Variants in LAPTM5 observed in about 807,000 individuals in gnomAD.
The protein encoded by LAPTM5 is lysosomal protein transmembrane 5.
Under a neutral mutation model 30.1 loss-of-function variants are expected in LAPTM5, and 11 were observed. The ratio of observed to expected loss-of-function variants is 0.37; its 90% confidence interval spans 0.23 to 0.60. The LOEUF is 0.60. Ranked by LOEUF, LAPTM5 falls within the 20% of genes least tolerant of loss-of-function variation. The pLI, the probability that LAPTM5 is intolerant of heterozygous loss-of-function variation, is 0.71. For synonymous variants in LAPTM5, 151 were observed against 137.9 expected, an observed-to-expected ratio of 1.10 and a Z score of -0.67; for missense variants, 324 against 332.5, an observed-to-expected ratio of 0.97 and a Z score of 0.20.
intron 3 of LAPTM5, among the ~76,000 whole-genome samples, chr1:30,740,635 C>A (rs1389300606): frequency 6.6e-6 from 1 of 152,122 alleles, no homozygotes; most frequent in Non-Finnish European, 1.5e-5. Context: ...CGTCTAAAAT[C>A]ACTCAGGAGG....
At chr1:30,749,093 T>C (rs549764195) in intron 1 of LAPTM5, among the ~76,000 whole-genome samples, 154 of 152,312 alleles carry the variant, frequency 1.0e-3, no homozygotes, top group African/African-American at 3.7e-3. Flanking sequence ...CTGGAATCAA[T>C]CCAAATGTTA....
At chr1:30,741,887 A>G (rs1202031098) in intron 2 of LAPTM5, 171 bp from the exon 3 acceptor site, 3 of 510,730 alleles carry the variant, frequency 5.9e-6, no homozygotes, top group Non-Finnish European at 1.1e-5. Flanking sequence ...AGACAAAAGC[A>G]GAACATCACA....
intron 1 of LAPTM5, among the ~76,000 whole-genome samples, chr1:30,752,286 T>G (rs1421455011): frequency 6.6e-6 from 1 of 152,216 alleles, no homozygotes; most frequent in Non-Finnish European, 1.5e-5. Flanking sequence ...TGGACCTGTT[T>G]TCCCATCTGC....
At chr1:30,750,168 A>G (rs1388583783) in intron 1 of LAPTM5, among the ~76,000 whole-genome samples, 6 of 152,138 alleles carry the variant, frequency 3.9e-5, no homozygotes, top group African/African-American at 1.4e-4. Flanking sequence ...TCCCTTTAGG[A>G]GCAGCCAGTG....
At chr1:30,750,455 G>A (rs1021909032) in intron 1 of LAPTM5, among the ~76,000 whole-genome samples, 2 of 152,216 alleles carry the variant, frequency 1.3e-5, no homozygotes, top group African/African-American at 4.8e-5. Flanking sequence ...TCCACGATGT[G>A]GAACCTGCGG....
chr1:30,738,066 C>T (rs1382144139), intron 5 of LAPTM5, among the ~76,000 whole-genome samples: 1 of 152,302 alleles, frequency 6.6e-6, no homozygotes, highest in South Asian at 2.1e-4. Context: ...AGGTTACATT[C>T]CCTCCCCTAG....
chr1:30,755,931 G>A (rs3790502), intron 1 of LAPTM5, among the ~76,000 whole-genome samples: 7 of 152,270 alleles, frequency 4.6e-5, no homozygotes, highest in Middle Eastern at 3.4e-3. Context: ...AAGGGCTCCC[G>A]GGGTCACCGC....
chr1:30,739,933 C>A lies in LAPTM5; in HGVS notation c.263G>T (p.Arg88Leu), dbSNP rs547749928. 3.1e-6 allele frequency: 5 copies of A among 1,593,776 alleles called. No individual in the cohort carries two copies. Among genetic ancestry groups the A allele is most frequent in the South Asian group, 2.3e-5 (2 of 88,330 alleles). Residue 88 changes from arginine to leucine, a missense_variant, in exon 4 of 8, where the codon CGG (arginine) becomes CTG (leucine). Arg to Leu is a moderately radical substitution (Grantham distance 102, BLOSUM62 -2). Coordinates refer to ENST00000294507, the MANE Select transcript of LAPTM5 (RefSeq NM_006762.3). The surrounding 1 kb of genome is among the most constrained non-coding windows in gnomAD (Gnocchi z 4.2). ...CAGGAAGGGCAGCAGGTACTTCTCC[C>A]GGTTCTGAAAGGTAGGCCCAGCACC... ...LSLLIGVVKN[R>L]EKYLLPFLSL...
At position 30,746,882 on chromosome 1, in the gene LAPTM5, C is replaced by A. The variant is rs1323890921; in HGVS notation, c.88-4333G>T. ...CGCGGAGCCGGGCACACAGCAGGTG[C>A]ACCATAAACAAGCACAATTGGGTGG... On this transcript the variant is annotated intron_variant, in intron 1 of 7. Transcript: ENST00000294507. This position sits in a 1 kb window ranked among gnomAD's most constrained non-coding sequence, Gnocchi z 4.0. 6.6e-6 allele frequency among the ~76,000 whole-genome samples: 1 copy of A among 152,222 alleles called. No homozygotes were observed. Among genetic ancestry groups the A allele is most frequent in the African/African-American group, 2.4e-5 (1 of 41,464 alleles).
Position 30,733,363 on chromosome 1 carries a change from C to G in LAPTM5, c.*465G>C, listed in dbSNP as rs1249930522. 4 of 353,424 alleles carry G rather than the reference C, an allele frequency of 1.1e-5. No homozygotes were observed. The highest frequency in any genetic ancestry group is 2.0e-5 in the Non-Finnish European group (4 of 201,334). 21.9% of individuals were successfully genotyped at this position (353,424 alleles called of 1,614,324 possible). On this transcript the variant is annotated 3_prime_UTR_variant, in exon 8 of 8. Coordinates refer to ENST00000294507, the MANE Select transcript of LAPTM5 (RefSeq NM_006762.3). Reference sequence around the variant, plus strand: ...ACATATATTTATATATAGGGGGTAACTAATTAATGATTACTTGATTAAATT... The same window carrying G: ...ACATATATTTATATATAGGGGGTAAGTAATTAATGATTACTTGATTAAATT...
chr1:30,741,527 T>G (rs2124183610), intron 3 of LAPTM5, 113 bp downstream of exon 3: 1 of 594,288 alleles, frequency 1.7e-6, no homozygotes, highest in Non-Finnish European at 2.8e-6. Context: ...AGAACGCAGG[T>G]GGGACCGCCT....
In LAPTM5 at chr1:30,742,500, C is replaced by T; in HGVS notation, c.137G>A (p.Gly46Asp). The part of the protein sequence containing the change: ...FIEHSVEVAH[G>D]KASCKLSQMG... Reference sequence around the variant, plus strand: ...CTGGGAGAGCTTGCAGGACGCCTTGCCATGGGCCACCTCTACTGAGTGCTC... The same window carrying T: ...CTGGGAGAGCTTGCAGGACGCCTTGTCATGGGCCACCTCTACTGAGTGCTC... The change falls in exon 2 of 8, where the codon GGC becomes GAC. Residue 46 changes from glycine to aspartate, a missense_variant. Physicochemically the swap from Gly to Asp is moderately conservative, Grantham distance 94. Transcript: ENST00000294507. The T allele has an allele frequency of 6.2e-7, 1 of 1,613,820 alleles. No homozygotes were observed. Among genetic ancestry groups the T allele is most frequent in the Non-Finnish European group, 8.5e-7 (1 of 1,179,926 alleles).
At chr1:30,737,582 C>G (rs540518918) in intron 6 of LAPTM5, 22 bp downstream of exon 6, 2 of 1,574,280 alleles carry the variant, frequency 1.3e-6, no homozygotes, top group Non-Finnish European at 1.7e-6. Flanking sequence ...CTCCCAGAGC[C>G]GCAGGGCAGG....
At position 30,742,082 on chromosome 1, in the gene LAPTM5, C is replaced by T. The variant is rs534051692; in HGVS notation, c.182-366G>A. The T allele has an allele frequency of 4.1e-5, 15 of 363,542 alleles. No homozygotes were observed. In the East Asian group the frequency reaches 6.3e-4, roughly 15 times the overall value. The allele number at this position is 363,542 out of a possible 1,614,324, so 22.5% of individuals were successfully genotyped here. A position where few individuals can be genotyped will look rare whatever the true frequency, so the allele number is the denominator to read the frequency against. Reference sequence around the variant, plus strand: ...TGGAGCAAGGTGTGGGGTGGAGAATCGCAGGGAGATGCTGTCAGAGAGGTG... The same window carrying T: ...TGGAGCAAGGTGTGGGGTGGAGAATTGCAGGGAGATGCTGTCAGAGAGGTG... On this transcript the variant is annotated intron_variant, in intron 2 of 7. Transcript: ENST00000294507.
In LAPTM5 at chr1:30,741,526, G is replaced by A. The variant is rs1051807714; in HGVS notation, c.258+114C>T. 1.0e-5 allele frequency: 6 copies of A among 591,432 alleles called. No homozygotes were observed. In the Admixed American group the frequency reaches 1.8e-4, roughly 18 times the overall value. The allele number at this position is 591,432 out of a possible 1,614,324, so 36.6% of individuals were successfully genotyped here. On this transcript the variant is annotated intron_variant, in intron 3 of 7. Transcript: ENST00000294507. ...ATGTGTGAAGATCTCCAGAACGCAGGTGGGACCGCCTAACATACCCGCCTC... is the reference window on the plus strand; with the variant it reads ...ATGTGTGAAGATCTCCAGAACGCAGATGGGACCGCCTAACATACCCGCCTC...
chr1:30,733,843 T>G lies in LAPTM5; in HGVS notation c.774A>C (p.Pro258=), dbSNP rs753841515. 4 of 1,608,348 alleles carry G rather than the reference T, an allele frequency of 2.5e-6. No homozygotes were observed. The South Asian group carries it at 4.4e-5, about 18-fold the overall frequency. The stretch of plus-strand genomic sequence containing the variant: ...CTGGCGAGGGTCACACCTCTGAGTA[T>G]GGGGGTGGTGCTGGGCCCCCCTCTG... ...KTPEGGPAPP[P]YSEV Residue 258 remains proline, a synonymous_variant, in exon 8 of 8, where the codon CCA becomes CCC. Coordinates refer to ENST00000294507, the MANE Select transcript of LAPTM5 (RefSeq NM_006762.3).
chr1:30,743,451 T>C (rs1639999465), intron 1 of LAPTM5, among the ~76,000 whole-genome samples: 1 of 152,192 alleles, frequency 6.6e-6, no homozygotes, highest in African/African-American at 2.4e-5. Context: ...ACTGCAGTTT[T>C]AAAGAACCTT....
At position 30,739,275 on chromosome 1, in the gene LAPTM5, C is replaced by G; in HGVS notation, c.388-213G>C. ...ACTAGAACCAAGGTCTCCAGACTCCCGGGCCAGGGCCCTTCCATGATGTAG... is the reference window on the plus strand; with the variant it reads ...ACTAGAACCAAGGTCTCCAGACTCCGGGGCCAGGGCCCTTCCATGATGTAG... On this transcript the variant is annotated intron_variant, in intron 4 of 7. Transcript: ENST00000294507. This position sits in a 1 kb window ranked among gnomAD's most constrained non-coding sequence, Gnocchi z 4.2. The G allele has an allele frequency of 1.9e-6, 1 of 527,234 alleles. No homozygotes were observed. Among genetic ancestry groups the G allele is most frequent in the South Asian group, 2.2e-5 (1 of 46,184 alleles). The allele number at this position is 527,234 out of a possible 1,614,324, so 32.7% of individuals were successfully genotyped here. A position where few individuals can be genotyped will look rare whatever the true frequency, so the allele number is the denominator to read the frequency against.
Position 30,756,472 on chromosome 1 carries a change from T to C in LAPTM5, c.87+1187A>G, listed in dbSNP as rs1443069831. 2.8e-4 allele frequency among the ~76,000 whole-genome samples: 43 copies of C among 152,202 alleles called. 2 individuals carry two copies. Among genetic ancestry groups the C allele is most frequent in the Admixed American group, 2.8e-3 (43 of 15,278 alleles). ...CTCACAACAAACCCTATCAGATGGG[T>C]ATGATAATTCACATCCCCATTTTTT... On this transcript the variant is annotated intron_variant, in intron 1 of 7. Transcript: ENST00000294507.
Sources: allele counts gnomAD v4.1 joint callset (sites outside exome capture counted in the v4.1 genomes callset), GRCh38; gene constraint gnomAD v4.1.1; non-coding constraint Gnocchi (gnomAD v3.1); transcripts MANE v1.5; gene names NCBI Gene and HGNC (gene_info 2026-07-23, HGNC 2026-07-21).